BRPF3: variants seen among roughly 807,000 people sequenced by gnomAD.
BRPF3 encodes bromodomain and PHD finger-containing protein 3.
BRPF3 carries 18 observed loss-of-function variants against 102.0 expected under a neutral mutation model. That is an observed-to-expected ratio of 0.18 (90% CI 0.12 to 0.26). BRPF3 has a LOEUF of 0.26. BRPF3 is among the 10% of genes least tolerant of loss of function. The probability of loss-of-function intolerance (pLI) is 1.00; values close to 1 mark genes in which losing one functional copy is unlikely to be tolerated. For synonymous variants in BRPF3, 570 were observed against 614.2 expected (o/e 0.93, Z 1.06); for missense variants, 1,147 against 1,567.8 (o/e 0.73, Z 4.53).
chr6:36,231,740 T>A lies in BRPF3; in HGVS notation c.*1131T>A. ...CTCCAGGGAATGCATTACTTTTATTTCAAACCCTCTGCCTCCTTCCTTCTT... is the reference window on the plus strand; with the variant it reads ...CTCCAGGGAATGCATTACTTTTATTACAAACCCTCTGCCTCCTTCCTTCTT... On this transcript the variant is annotated 3_prime_UTR_variant, in exon 13 of 13. Transcript: ENST00000357641. 1 of 152,506 alleles carries A rather than the reference T, an allele frequency of 6.6e-6. No homozygotes were observed. Among genetic ancestry groups the A allele is most frequent in the Non-Finnish European group, 1.5e-5 (1 of 68,100 alleles). 9.4% of individuals were successfully genotyped at this position (152,506 alleles called of 1,614,324 possible).
chr6:36,227,308 A>G (rs1348934125), intron 11 of BRPF3, among the ~76,000 whole-genome samples: 1 of 152,212 alleles, frequency 6.6e-6, no homozygotes, highest in Non-Finnish European at 1.5e-5. Flanking sequence ...ATAGAGGCGA[A>G]AAAACACAAA....
At chr6:36,218,352 C>G (rs968174503) in intron 9 of BRPF3, among the ~76,000 whole-genome samples, 14 of 152,184 alleles carry the variant, frequency 9.2e-5, no homozygotes, top group African/African-American at 3.4e-4. Context: ...TTTAGACAAC[C>G]CAGCCATTAC....
rs910169602 is a variant in BRPF3, at chr6:36,231,127, A to G, written c.*518A>G. 35 of 153,500 alleles carry G rather than the reference A, an allele frequency of 2.3e-4. No individual in the cohort carries two copies. Among genetic ancestry groups the G allele is most frequent in the Non-Finnish European group, 4.1e-4 (28 of 68,724 alleles). The allele number at this position is 153,500 out of a possible 1,614,324, so 9.5% of individuals were successfully genotyped here. A position where few individuals can be genotyped will look rare whatever the true frequency, so the allele number is the denominator to read the frequency against. On this transcript the variant is annotated 3_prime_UTR_variant, in exon 13 of 13. Coordinates refer to ENST00000357641, the MANE Select transcript of BRPF3 (RefSeq NM_015695.3). ...GTCCCATCTTCTGCACCCATTGCCC[A>G]GTCTTGCTTTCTCTTTCCCATATTC...
In BRPF3 at chr6:36,230,347, T is replaced by C; in HGVS notation, c.3435-79T>C. On this transcript the variant is annotated intron_variant, in intron 12 of 12. Coordinates refer to ENST00000357641, the MANE Select transcript of BRPF3 (RefSeq NM_015695.3). This position sits in a 1 kb window ranked among gnomAD's most constrained non-coding sequence, Gnocchi z 5.4. ...ACCCTCTCCCTGGCTTTGCTGGTCCTGGCCAAGTGGGGCCACAGGAGCCCG... is the reference window on the plus strand; with the variant it reads ...ACCCTCTCCCTGGCTTTGCTGGTCCCGGCCAAGTGGGGCCACAGGAGCCCG... 1 of 1,480,926 alleles carries C rather than the reference T, an allele frequency of 6.8e-7. No homozygotes were observed. 91.7% of individuals were successfully genotyped at this position (1,480,926 alleles called of 1,614,324 possible).
At chr6:36,222,308 C>T in intron 10 of BRPF3, 43 bp downstream of exon 10, 2 of 1,526,172 alleles carry the variant, frequency 1.3e-6, no homozygotes, top group Non-Finnish European at 1.8e-6. Context: ...GCCAGGCCTT[C>T]TGAGGAGCCA....
intron 1 of BRPF3, among the ~76,000 whole-genome samples, chr6:36,199,995 G>A (rs986234617): frequency 3.9e-5 from 6 of 152,306 alleles, no homozygotes; most frequent in African/African-American, 1.4e-4. Context: ...TATGTAGCAT[G>A]GTATAAGATG....
In BRPF3 at chr6:36,230,793, G is replaced by A; in HGVS notation, c.*184G>A. 2 of 754,984 alleles carry A rather than the reference G, an allele frequency of 2.6e-6. No individual in the cohort carries two copies. Among genetic ancestry groups the A allele is most frequent in the Non-Finnish European group, 4.2e-6 (2 of 480,144 alleles). 46.8% of individuals were successfully genotyped at this position (754,984 alleles called of 1,614,324 possible). A position where few individuals can be genotyped will look rare whatever the true frequency, so the allele number is the denominator to read the frequency against. ...ACCAATCGCATGGTTCTCCTGGCAGGCCTGCTGTGTGCCAAAAACTCCCAC... is the reference window on the plus strand; with the variant it reads ...ACCAATCGCATGGTTCTCCTGGCAGACCTGCTGTGTGCCAAAAACTCCCAC... On this transcript the variant is annotated 3_prime_UTR_variant, in exon 13 of 13. Coordinates refer to ENST00000357641, the MANE Select transcript of BRPF3 (RefSeq NM_015695.3). The surrounding 1 kb of genome is among the most constrained non-coding windows in gnomAD (Gnocchi z 5.4).
chr6:36,230,804 G>A lies in BRPF3; in HGVS notation c.*195G>A. The A allele has an allele frequency of 6.3e-6, 4 of 637,468 alleles. No individual in the cohort carries two copies. Among genetic ancestry groups the A allele is most frequent in the East Asian group, 3.0e-5 (1 of 33,786 alleles). The allele number at this position is 637,468 out of a possible 1,614,324, so 39.5% of individuals were successfully genotyped here. ...GGTTCTCCTGGCAGGCCTGCTGTGT[G>A]CCAAAAACTCCCACCCAAGGTCCCT... is the stretch of plus-strand genomic sequence containing the variant. On this transcript the variant is annotated 3_prime_UTR_variant, in exon 13 of 13. Coordinates refer to ENST00000357641, the MANE Select transcript of BRPF3 (RefSeq NM_015695.3). This position sits in a 1 kb window ranked among gnomAD's most constrained non-coding sequence, Gnocchi z 5.4.
chr6:36,219,291 T>C (rs767451714), intron 9 of BRPF3, among the ~76,000 whole-genome samples: 26 of 152,120 alleles, frequency 1.7e-4, no homozygotes, highest in Non-Finnish European at 3.2e-4. Flanking sequence ...TAGCTTCCTA[T>C]TGCAGCCTCC....
rs1385223203 is a variant in BRPF3, at chr6:36,196,898, G to GCGCCGACCTGCT, written c.-96_-85dup. ...AAGACCGCGCTCCGCTTCCCGGGCC[G>GCGCCGACCTGCT]CGCCGACCTGCTCGGCGGCCTGCCC... On this transcript the variant is annotated 5_prime_UTR_variant, in exon 1 of 13. Coordinates refer to ENST00000357641, the MANE Select transcript of BRPF3 (RefSeq NM_015695.3). The GCGCCGACCTGCT allele has an allele frequency of 6.6e-6, 1 of 151,596 alleles. No individual in the cohort carries two copies. Among genetic ancestry groups the GCGCCGACCTGCT allele is most frequent in the Non-Finnish European group, 1.5e-5 (1 of 67,722 alleles). 9.4% of individuals were successfully genotyped at this position (151,596 alleles called of 1,614,324 possible). A position where few individuals can be genotyped will look rare whatever the true frequency, so the allele number is the denominator to read the frequency against.
Position 36,210,203 on chromosome 6 carries a change from T to G in BRPF3, c.1867-13T>G. 2 of 1,613,772 alleles carry G rather than the reference T, an allele frequency of 1.2e-6. No homozygotes were observed. The highest frequency in any genetic ancestry group is 1.7e-6 in the Non-Finnish European group (2 of 1,179,720). The stretch of plus-strand genomic sequence containing the variant: ...AAATGGTTGTTGTAATTGTACAGGT[T>G]TTATATGTTTAGGTTCCAGATTACC... On this transcript the variant is annotated splice_polypyrimidine_tract_variant and intron_variant, in intron 5 of 12. Coordinates refer to ENST00000357641, the MANE Select transcript of BRPF3 (RefSeq NM_015695.3). The surrounding 1 kb of genome is among the most constrained non-coding windows in gnomAD (Gnocchi z 4.7).
chr6:36,204,940 T>TA, intron 3 of BRPF3, 126 bp downstream of exon 3: 2 of 1,302,260 alleles, frequency 1.5e-6, no homozygotes, highest in Non-Finnish European at 2.1e-6. Flanking sequence ...CCTGTCTGGG[T>TA]GGCCTATCCC....
intron 8 of BRPF3, among the ~76,000 whole-genome samples, chr6:36,217,301 C>G (rs1462572640): frequency 6.6e-6 from 1 of 152,180 alleles, no homozygotes; most frequent in Non-Finnish European, 1.5e-5. Flanking sequence ...CTCTCCCTCC[C>G]AGGAAGTTCC....
chr6:36,215,794 G>A (rs545307356), intron 8 of BRPF3, among the ~76,000 whole-genome samples: 1 of 152,222 alleles, frequency 6.6e-6, no homozygotes, highest in South Asian at 2.1e-4. Context: ...GGGTGAGATG[G>A]GACTGAATGT....
At chr6:36,227,638 A>G (rs1034525747) in intron 11 of BRPF3, among the ~76,000 whole-genome samples, 1 of 152,166 alleles carries the variant, frequency 6.6e-6, no homozygotes, top group Admixed American at 6.5e-5. Flanking sequence ...GAGGAAACAT[A>G]TCAGAGTAGC....
chr6:36,206,261 A>G (rs1207937722), intron 3 of BRPF3, among the ~76,000 whole-genome samples: 1 of 152,144 alleles, frequency 6.6e-6, no homozygotes, highest in African/African-American at 2.4e-5. Context: ...TGCTGCCTAC[A>G]TCTGGGCAGG....
Position 36,213,925 on chromosome 6 carries a change from C to G in BRPF3, c.2528C>G (p.Pro843Arg), listed in dbSNP as rs1190476323. The G allele has an allele frequency of 2.5e-6, 4 of 1,613,922 alleles. No individual in the cohort carries two copies. In the South Asian group the frequency reaches 4.4e-5, roughly 18 times the overall value. Residue 843 changes from proline to arginine, a missense_variant, in exon 8 of 13, where the codon CCT becomes CGT. Physicochemically the swap from Pro to Arg is moderately radical, Grantham distance 103. Around this residue, in one of 11 missense-constraint regions of BRPF3, gnomAD observed 379 missense variants for 426.3 expected, o/e 0.89. Transcript: ENST00000357641. Reference protein sequence around the residue: ...PPPPTLEPTGPAPSLSEQESP... With the variant: ...PPPPTLEPTGRAPSLSEQESP... ...CCGCCAACCCTGGAGCCCACTGGGC[C>G]TGCACCTTCCTTGTCTGAGCAAGAA... is the stretch of plus-strand genomic sequence containing the variant.
intron 10 of BRPF3, 60 bp downstream of exon 10, chr6:36,222,325 C>G: frequency 6.8e-7 from 1 of 1,467,272 alleles, no homozygotes; most frequent in Non-Finnish European, 9.3e-7. Flanking sequence ...GCCAGCTCTT[C>G]AGGCTGCTGC....
At chr6:36,199,508 C>T (rs61435713) in intron 1 of BRPF3, among the ~76,000 whole-genome samples, 11,127 of 152,184 alleles carry the variant, frequency 0.073, 745 homozygotes, top group African/African-American at 0.18. Flanking sequence ...TGCCTTCACC[C>T]CTTCACCTCT....
Sources: gnomAD v4.1 joint callset for allele counts (sites outside exome capture counted in the v4.1 genomes callset) on GRCh38, gnomAD v4.1.1 for gene constraint, gnomAD v4.1.1 regional missense constraint, Gnocchi (gnomAD v3.1) non-coding constraint, MANE v1.5 for transcripts, NCBI Gene and HGNC (gene_info 2026-07-23, HGNC 2026-07-21) for gene names.